ABI1: variants seen among roughly 807,000 people sequenced by gnomAD.
ABI1 encodes the protein Abelson interactor 1.
ABI1 carries 14 observed loss-of-function variants against 54.6 expected under a neutral mutation model. The observed-to-expected ratio is 0.26, with a 90% confidence interval of 0.17 to 0.40. ABI1 has a LOEUF of 0.40. Ranked by LOEUF, ABI1 falls within the 10% of genes least tolerant of loss-of-function variation. ABI1 has a pLI of 1.00. For missense variants in ABI1, 443 were observed against 598.3 expected, an observed-to-expected ratio of 0.74 and a Z score of 2.71; for synonymous variants, 194 against 209.3, an observed-to-expected ratio of 0.93 and a Z score of 0.63.
chr10:26,756,789 A>G (rs1048636816), intron 8 of ABI1, among the ~76,000 whole-genome samples: 1 of 152,164 alleles, frequency 6.6e-6, no homozygotes, highest in African/African-American at 2.4e-5. Context: ...TGATAGAGAA[A>G]AACAATTTAT....
rs397724445 is a variant in ABI1 at position 26,851,348 on chromosome 10, A to ATTTTTTTTTTTTTTTTTTTTTTT, written c.117+9376_117+9398dup. ...GTAGCTGGGACTACAGACTAAGCTAATTTTTTTTTTTTTTTTTTTTTTTTT... is the reference window on the plus strand; with the variant it reads ...GTAGCTGGGACTACAGACTAAGCTAATTTTTTTTTTTTTTTTTTTTTTTTTTTTTTTTTTTTTTTTTTTTTTTT... On this transcript the variant is annotated intron_variant, in intron 1 of 10. Transcript: ENST00000376140. Among the ~76,000 whole-genome samples, 6 of 67,814 alleles carry ATTTTTTTTTTTTTTTTTTTTTTT rather than the reference A, an allele frequency of 8.8e-5. 1 individual carries two copies. Among genetic ancestry groups the ATTTTTTTTTTTTTTTTTTTTTTT allele is most frequent in the African/African-American group, 3.9e-4 (6 of 15,520 alleles). The allele number at this position is 67,814 out of a possible 152,430, so 44.5% of individuals were successfully genotyped here. A position where few individuals can be genotyped will look rare whatever the true frequency, so the allele number is the denominator to read the frequency against.
In ABI1 at chr10:26,752,836, T is replaced by C. The variant is rs147907859; in HGVS notation, c.1085-1053A>G. Among the ~76,000 whole-genome samples the C allele has an allele frequency of 8.5e-4, 130 of 152,282 alleles. 1 individual carries two copies. The East Asian group carries it at 0.023, about 27-fold the overall frequency. ...TTCAAAGCTGGAACCCAATTAATGC[T>C]TAACTTAAATTTCTGATCAATAAAT... On this transcript the variant is annotated intron_variant, in intron 9 of 10. Transcript: ENST00000376140.
At chr10:26,791,792 G>GA (rs891739743) in intron 2 of ABI1, among the ~76,000 whole-genome samples, 38 of 151,978 alleles carry the variant, frequency 2.5e-4, no homozygotes, top group African/African-American at 8.2e-4. Flanking sequence ...TTGCCATATA[G>GA]AAAAAAACAC....
At chr10:26,811,790 G>GATTTGTATAA (rs1378917929) in intron 2 of ABI1, among the ~76,000 whole-genome samples, 1,554 of 129,066 alleles carry the variant, frequency 0.012, 13 homozygotes, top group African/African-American at 0.035. Context: ...TTTATGCAAA[G>GATTTGTATAA]ATTTGTATAA....
intron 10 of ABI1, 25 bp from the exon 11 acceptor site, chr10:26,748,770 CA>C: frequency 6.5e-7 from 1 of 1,541,138 alleles, no homozygotes; most frequent in Non-Finnish European, 8.9e-7. Context: ...GTTGAAATAT[CA>C]CATGAGTGCA....
At chr10:26,757,231 C>T (rs1422170536) in intron 8 of ABI1, among the ~76,000 whole-genome samples, 1 of 152,006 alleles carries the variant, frequency 6.6e-6, no homozygotes, top group Admixed American at 6.6e-5. Context: ...ACTACAACAC[C>T]AACAGTAACT....
intron 2 of ABI1, among the ~76,000 whole-genome samples, chr10:26,789,344 C>CA (rs757624579): frequency 3.3e-5 from 5 of 151,866 alleles, no homozygotes; most frequent in South Asian, 4.2e-4. Flanking sequence ...TGGAAGTAAC[C>CA]AAAAAAATGA....
At chr10:26,770,515 G>A (rs1484955918) in intron 4 of ABI1, 170 bp from the exon 5 acceptor site, 2 of 767,294 alleles carry the variant, frequency 2.6e-6, no homozygotes, top group African/African-American at 3.4e-5. Flanking sequence ...ACTTGCACTT[G>A]GTCTTCCTAT....
intron 7 of ABI1, among the ~76,000 whole-genome samples, chr10:26,761,898 T>G (rs1355101178): frequency 6.6e-6 from 1 of 152,060 alleles, no homozygotes; most frequent in Non-Finnish European, 1.5e-5. Context: ...GACATTTTGG[T>G]TTGAGATTTG....
rs1274217643 is a variant in ABI1, at chr10:26,746,693, A to C, written c.*1877T>G. 1.9e-6 allele frequency: 1 copy of C among 534,298 alleles called. No individual in the cohort carries two copies. Among genetic ancestry groups the C allele is most frequent in the African/African-American group, 1.9e-5 (1 of 52,752 alleles). The allele number at this position is 534,298 out of a possible 1,614,324, so 33.1% of individuals were successfully genotyped here. A position where few individuals can be genotyped will look rare whatever the true frequency, so the allele number is the denominator to read the frequency against. ...CCTGAATCTGTCATTCTAGTCCTAT[A>C]AATTATAATCAAGGTATCTTGATGG... On this transcript the variant is annotated 3_prime_UTR_variant, in exon 11 of 11. Transcript: ENST00000376140.
In ABI1 at chr10:26,793,117, C is replaced by T. The variant is rs188948707; in HGVS notation, c.286-15876G>A. Among the ~76,000 whole-genome samples, 20 of 152,278 alleles carry T rather than the reference C, an allele frequency of 1.3e-4. No individual in the cohort carries two copies. In the East Asian group the frequency reaches 3.3e-3, roughly 25 times the overall value. ...AAAGAACCTTGTACATAAGTAAAAACACAATAAATGTTTGCTAAAAAATAA... is the reference window on the plus strand; with the variant it reads ...AAAGAACCTTGTACATAAGTAAAAATACAATAAATGTTTGCTAAAAAATAA... On this transcript the variant is annotated intron_variant, in intron 2 of 10. Coordinates refer to ENST00000376140, the MANE Select transcript of ABI1 (RefSeq NM_001012750.3).
At position 26,770,249 on chromosome 10, in the gene ABI1, G is replaced by A; in HGVS notation, c.574C>T (p.Leu192=). The A allele has an allele frequency of 2.5e-6, 4 of 1,613,184 alleles. No individual in the cohort carries two copies. The highest frequency in any genetic ancestry group is 3.4e-6 in the Non-Finnish European group (4 of 1,179,178). ...PSPPMSGRGT[L]GRNTPYKTLE... is the part of the protein sequence containing the mutation. Reference sequence around the variant, plus strand: ...AAAATGTAGTTGAATTCTTACCCCAGTGTTCCCCGGCCTGACATGGGAGGA... The same window carrying A: ...AAAATGTAGTTGAATTCTTACCCCAATGTTCCCCGGCCTGACATGGGAGGA... The change falls in exon 5 of 11, where the codon CTG becomes TTG. Residue 192 remains leucine, a synonymous_variant. Coordinates refer to ENST00000376140, the MANE Select transcript of ABI1 (RefSeq NM_001012750.3).
At chr10:26,839,903 C>A in intron 1 of ABI1, 1 of 612,560 alleles carries the variant, frequency 1.6e-6, no homozygotes, top group Non-Finnish European at 2.9e-6. Context: ...GGCAAGGGAA[C>A]TGCTGGAACC....
chr10:26,827,756 GT>G (rs1472465565), intron 1 of ABI1, among the ~76,000 whole-genome samples: 2 of 151,738 alleles, frequency 1.3e-5, no homozygotes, highest in African/African-American at 4.8e-5. Context: ...CCATGCCCAG[GT>G]ATTTTTTGTA....
chr10:26,789,992 T>C (rs950407980), intron 2 of ABI1, among the ~76,000 whole-genome samples: 4 of 152,358 alleles, frequency 2.6e-5, no homozygotes, highest in East Asian at 1.9e-4. Context: ...TAGTATTCCA[T>C]GGTGTATACG....
At chr10:26,815,557 G>A (rs1024729505) in intron 2 of ABI1, among the ~76,000 whole-genome samples, 4 of 152,130 alleles carry the variant, frequency 2.6e-5, no homozygotes, top group African/African-American at 9.7e-5. Context: ...GTTCTGATAC[G>A]CATGAATTTC....
At chr10:26,834,087 G>A (rs543729041) in intron 1 of ABI1, among the ~76,000 whole-genome samples, 69 of 152,044 alleles carry the variant, frequency 4.5e-4, no homozygotes, top group African/African-American at 1.3e-3. Context: ...AAAATTAGCC[G>A]GGCGTGGTGG....
At chr10:26,821,385 A>AT (rs1411278817) in intron 2 of ABI1, among the ~76,000 whole-genome samples, 1 of 152,168 alleles carries the variant, frequency 6.6e-6, no homozygotes, top group Non-Finnish European at 1.5e-5. Flanking sequence ...GATGTTTTTA[A>AT]TATCGATAAA....
rs769783682 is a variant in ABI1 at position 26,748,540 on chromosome 10, TAAG to T, written c.*27_*29del. On this transcript the variant is annotated 3_prime_UTR_variant, in exon 11 of 11. Transcript: ENST00000376140. ...ATAGTCCCACAGTATGACTGAGTAA[TAAG>T]AATCTACTTCAAAAGAAAAAAAAAA... The T allele has an allele frequency of 1.4e-5, 22 of 1,533,180 alleles. No individual in the cohort carries two copies. Among genetic ancestry groups the T allele is most frequent in the Non-Finnish European group, 1.9e-5 (21 of 1,124,722 alleles). The allele number at this position is 1,533,180 out of a possible 1,614,324, so 95.0% of individuals were successfully genotyped here. A position where few individuals can be genotyped will look rare whatever the true frequency, so the allele number is the denominator to read the frequency against.
Sources: gnomAD v4.1 joint callset for allele counts (sites outside exome capture counted in the v4.1 genomes callset) on GRCh38, gnomAD v4.1.1 for gene constraint, MANE v1.5 for transcripts, NCBI Gene and HGNC (gene_info 2026-07-23, HGNC 2026-07-21) for gene names.